IL1RAP: variants seen among roughly 807,000 people sequenced by gnomAD.
The protein encoded by IL1RAP is interleukin-1 receptor accessory protein.
IL1RAP carries 35 observed loss-of-function variants against 60.7 expected under a neutral mutation model. That is an observed-to-expected ratio of 0.58 (90% confidence interval 0.44 to 0.76). The LOEUF (loss-of-function observed/expected upper bound fraction) is 0.76. Ranked by LOEUF, IL1RAP falls within the 30% of genes least tolerant of loss-of-function variation. IL1RAP has a pLI of 0.00. For synonymous variants in IL1RAP, 268 were observed against 250.9 expected, an observed-to-expected ratio of 1.07 and a Z score of -0.64; for missense variants, 572 against 693.9, an observed-to-expected ratio of 0.82 and a Z score of 1.97.
chr3:190,649,374 G>A lies in IL1RAP; in HGVS notation c.*669G>A. On this transcript the variant is annotated 3_prime_UTR_variant, in exon 12 of 12. Transcript: ENST00000447382. ...ACTTGAAAAATATTTCTTAATTTTT[G>A]TTTTTGCTCCAGTCAATTCCTGATT... The A allele has an allele frequency of 1.0e-6, 1 of 985,614 alleles. No individual in the cohort carries two copies. The highest frequency in any genetic ancestry group is 4.7e-5 in the South Asian group (1 of 21,270). The allele number at this position is 985,614 out of a possible 1,614,324, so 61.1% of individuals were successfully genotyped here.
chr3:190,538,248 T>TGG (rs1421638699), intron 1 of IL1RAP, among the ~76,000 whole-genome samples: 4 of 152,326 alleles, frequency 2.6e-5, no homozygotes, highest in African/African-American at 9.6e-5. Flanking sequence ...TAGCAGCCTC[T>TGG]GGGGGTTGAC....
At chr3:190,518,773 A>G (rs1418904041) in intron 1 of IL1RAP, 2 of 152,270 alleles carry the variant, frequency 1.3e-5, no homozygotes, top group Admixed American at 1.3e-4. Context: ...TGTGAGACCC[A>G]TTCACTATCA....
chr3:190,571,163 AT>A (rs1047192156), intron 3 of IL1RAP, among the ~76,000 whole-genome samples: 6 of 152,104 alleles, frequency 3.9e-5, no homozygotes, highest in Non-Finnish European at 7.4e-5. Flanking sequence ...ATTGCTTTTT[AT>A]TAATTTATTA....
chr3:190,585,068 C>T (rs886350762), intron 3 of IL1RAP, among the ~76,000 whole-genome samples: 6 of 152,124 alleles, frequency 3.9e-5, no homozygotes, highest in Non-Finnish European at 5.9e-5. Context: ...TGTTGTCACT[C>T]ATTGAGGTTT....
intron 1 of IL1RAP, among the ~76,000 whole-genome samples, chr3:190,532,643 G>C (rs1201384124): frequency 1.3e-5 from 2 of 152,190 alleles, no homozygotes; most frequent in Middle Eastern, 3.2e-3. Flanking sequence ...AGAAGGACCT[G>C]AACCCAGGTC....
At chr3:190,568,243 C>T (rs76755007) in intron 3 of IL1RAP, among the ~76,000 whole-genome samples, 7,733 of 152,124 alleles carry the variant, frequency 0.051, 303 homozygotes, top group South Asian at 0.081. Context: ...TCGCAGGAAC[C>T]ATTGTACAGG....
chr3:190,572,349 AT>A (rs1224141182), intron 3 of IL1RAP, among the ~76,000 whole-genome samples: 1 of 152,188 alleles, frequency 6.6e-6, no homozygotes. Context: ...TTGATTCTAC[AT>A]GTCTTTTTGT....
intron 9 of IL1RAP, among the ~76,000 whole-genome samples, chr3:190,640,693 G>A (rs1020838110): frequency 7.9e-5 from 12 of 152,166 alleles, no homozygotes; most frequent in African/African-American, 2.9e-4. Flanking sequence ...AGATTTCCTA[G>A]AGAAACGTGA....
intron 4 of IL1RAP, among the ~76,000 whole-genome samples, chr3:190,607,143 C>T (rs1175285464): frequency 1.3e-5 from 2 of 151,982 alleles, no homozygotes; most frequent in African/African-American, 2.4e-5. Context: ...GTGCATACCC[C>T]ACCCCTTCCA....
intron 5 of IL1RAP, among the ~76,000 whole-genome samples, chr3:190,619,185 T>C (rs1471358740): frequency 1.3e-5 from 2 of 152,202 alleles, no homozygotes; most frequent in Non-Finnish European, 2.9e-5. Flanking sequence ...TTGTCACAGA[T>C]AGTGTATTGA....
chr3:190,603,531 C>G (rs373908057), intron 3 of IL1RAP, among the ~76,000 whole-genome samples: 2 of 151,970 alleles, frequency 1.3e-5, no homozygotes, highest in East Asian at 3.9e-4. Context: ...TGAAGATGTA[C>G]CACAGAAAAA....
chr3:190,571,498 A>C (rs1393448835), intron 3 of IL1RAP, among the ~76,000 whole-genome samples: 1 of 152,216 alleles, frequency 6.6e-6, no homozygotes, highest in Non-Finnish European at 1.5e-5. Flanking sequence ...CCTGGGCGAC[A>C]GAACAAGACC....
At chr3:190,623,750 C>G (rs1731981684) in intron 7 of IL1RAP, among the ~76,000 whole-genome samples, 2 of 152,206 alleles carry the variant, frequency 1.3e-5, no homozygotes, top group Non-Finnish European at 2.9e-5. Flanking sequence ...ATTTAGACAT[C>G]CTTCAAGCTC....
intron 1 of IL1RAP, among the ~76,000 whole-genome samples, chr3:190,546,287 C>T (rs1158002663): frequency 6.6e-6 from 1 of 152,154 alleles, no homozygotes. Context: ...AAGAGGCTTT[C>T]TCCCTTATGC....
At chr3:190,578,002 A>G (rs904682443) in intron 3 of IL1RAP, among the ~76,000 whole-genome samples, 1 of 152,202 alleles carries the variant, frequency 6.6e-6, no homozygotes, top group Non-Finnish European at 1.5e-5. Context: ...GGAGCTAAGC[A>G]TTGGGCACAC....
chr3:190,575,722 G>A (rs1261110755), intron 3 of IL1RAP, among the ~76,000 whole-genome samples: 1 of 152,188 alleles, frequency 6.6e-6, no homozygotes, highest in Non-Finnish European at 1.5e-5. Flanking sequence ...AAGGATTTGG[G>A]CAGGACTGTT....
chr3:190,611,932 G>GA (rs1730859490), intron 5 of IL1RAP, among the ~76,000 whole-genome samples: 1 of 152,120 alleles, frequency 6.6e-6, no homozygotes, highest in South Asian at 2.1e-4. Context: ...TTTTTCATTT[G>GA]AAAAAAACTA....
chr3:190,550,664 A>G (rs551929804), intron 1 of IL1RAP, among the ~76,000 whole-genome samples: 1 of 152,344 alleles, frequency 6.6e-6, no homozygotes, highest in East Asian at 1.9e-4. Flanking sequence ...CAGAACTAGA[A>G]TATTGATCCA....
intron 1 of IL1RAP, among the ~76,000 whole-genome samples, chr3:190,554,342 A>T (rs9825315): frequency 0.55 from 83,493 of 151,424 alleles, 24,985 homozygotes; most frequent in Non-Finnish European, 0.66. Flanking sequence ...ACAGATTGAA[A>T]CCCTGGTTAC....
Sources: gnomAD v4.1 joint callset for allele counts (sites outside exome capture counted in the v4.1 genomes callset) on GRCh38, gnomAD v4.1.1 for gene constraint, MANE v1.5 for transcripts, NCBI Gene and HGNC (gene_info 2026-07-23, HGNC 2026-07-21) for gene names.